Variants in CTNNBL1 observed in about 807,000 individuals in gnomAD.
CTNNBL1 encodes catenin beta like 1, also known as beta-catenin-like protein 1.
Under a neutral mutation model 72.7 loss-of-function variants are expected in CTNNBL1, and 31 were observed. That is an observed-to-expected ratio of 0.43 (90% confidence interval 0.32 to 0.58). CTNNBL1 has a LOEUF of 0.58. Among genes scored for constraint, CTNNBL1 ranks in the 20% least tolerant of loss-of-function variants. The probability of loss-of-function intolerance (pLI) is 0.08; values close to 1 mark genes in which losing one functional copy is unlikely to be tolerated. For missense variants in CTNNBL1, 534 were observed against 725.1 expected, an observed-to-expected ratio of 0.74 and a Z score of 3.03; for synonymous variants, 240 against 267.3, an observed-to-expected ratio of 0.90 and a Z score of 1.00.
chr20:37,777,605 C>A (rs1262240044), intron 8 of CTNNBL1, 49 bp from the exon 9 acceptor site: 3 of 1,570,822 alleles, frequency 1.9e-6, no homozygotes, highest in Non-Finnish European at 2.6e-6. Context: ...GCTGTAAAAT[C>A]TGACAGTTAG....
At chr20:37,856,757 T>TA (rs2072445751) in intron 13 of CTNNBL1, among the ~76,000 whole-genome samples, 1 of 152,208 alleles carries the variant, frequency 6.6e-6, no homozygotes. Flanking sequence ...ACCTATCACT[T>TA]ACAATTTTTT....
intron 13 of CTNNBL1, among the ~76,000 whole-genome samples, chr20:37,850,276 G>C (rs60846417): frequency 0.01 from 1,593 of 152,208 alleles, 22 homozygotes; most frequent in African/African-American, 0.037. Context: ...ACTTGTGATG[G>C]CAGCATCATG....
At chr20:37,815,979 AT>A in intron 11 of CTNNBL1, among the ~76,000 whole-genome samples, 1 of 152,188 alleles carries the variant, frequency 6.6e-6, no homozygotes, top group African/African-American at 2.4e-5. Context: ...TGCTGGGGAA[AT>A]GCTCTGTGTA....
At chr20:37,797,807 T>C (rs1226193325) in intron 10 of CTNNBL1, among the ~76,000 whole-genome samples, 1 of 152,206 alleles carries the variant, frequency 6.6e-6, no homozygotes, top group Non-Finnish European at 1.5e-5. Flanking sequence ...CTGCTGCCCC[T>C]CTTCTTACTC....
intron 15 of CTNNBL1, among the ~76,000 whole-genome samples, chr20:37,869,375 C>G (rs2072563939): frequency 6.6e-6 from 1 of 152,218 alleles, no homozygotes. Context: ...GCAAAAGCCT[C>G]TTACTAGAGA....
intron 1 of CTNNBL1, among the ~76,000 whole-genome samples, chr20:37,711,147 G>A (rs2072934618): frequency 6.6e-6 from 1 of 152,134 alleles, no homozygotes; most frequent in African/African-American, 2.4e-5. Context: ...CCTGTGAAAG[G>A]ACAGTTTGAG....
chr20:37,854,880 C>T (rs950621543), intron 13 of CTNNBL1, among the ~76,000 whole-genome samples: 1 of 151,958 alleles, frequency 6.6e-6, no homozygotes, highest in African/African-American at 2.4e-5. Flanking sequence ...TGAGCCACAG[C>T]GCCTGGCCCC....
At chr20:37,762,841 T>A (rs1206860378) in intron 5 of CTNNBL1, among the ~76,000 whole-genome samples, 1 of 152,204 alleles carries the variant, frequency 6.6e-6, no homozygotes, top group Non-Finnish European at 1.5e-5. Context: ...AGTTTCACAG[T>A]TTGCAAGCTT....
At chr20:37,865,312 G>A (rs2072527839) in intron 15 of CTNNBL1, among the ~76,000 whole-genome samples, 1 of 152,162 alleles carries the variant, frequency 6.6e-6, no homozygotes, top group Non-Finnish European at 1.5e-5. Flanking sequence ...GAATGAAGAC[G>A]GCACAGTTAA....
chr20:37,813,428 A>G (rs2072029278), intron 11 of CTNNBL1, among the ~76,000 whole-genome samples: 1 of 152,204 alleles, frequency 6.6e-6, no homozygotes, highest in Non-Finnish European at 1.5e-5. Flanking sequence ...GACTCTTCCA[A>G]AGTTTTACAG....
In CTNNBL1 at chr20:37,782,251, G is replaced by A. The variant is rs552707464; in HGVS notation, c.1031+2916G>A. Among the ~76,000 whole-genome samples the A allele has an allele frequency of 3.9e-5, 6 of 152,154 alleles. No homozygotes were observed. The South Asian group carries it at 1.2e-3, about 32-fold the overall frequency. ...CTATAATATAATTTAATATGATGACGCTTCAGGAGAACAGTTACTTTTGCA... is the reference window on the plus strand; with the variant it reads ...CTATAATATAATTTAATATGATGACACTTCAGGAGAACAGTTACTTTTGCA... On this transcript the variant is annotated intron_variant, in intron 10 of 15. Transcript: ENST00000361383.
In CTNNBL1 at chr20:37,753,872, A is replaced by T. The variant is rs572092893; in HGVS notation, c.467-3687A>T. On this transcript the variant is annotated intron_variant, in intron 4 of 15. Transcript: ENST00000361383. ...CTTGCACAAGATTACATGGCTGGTGATAATTTTGGGACCATTCAGGTCACT... is the reference window on the plus strand; with the variant it reads ...CTTGCACAAGATTACATGGCTGGTGTTAATTTTGGGACCATTCAGGTCACT... 2.5e-4 allele frequency among the ~76,000 whole-genome samples: 38 copies of T among 152,338 alleles called. No individual in the cohort carries two copies. The Middle Eastern group carries it at 0.01, about 41-fold the overall frequency.
intron 1 of CTNNBL1, among the ~76,000 whole-genome samples, chr20:37,698,790 A>G (rs1018279955): frequency 6.6e-6 from 1 of 152,214 alleles, no homozygotes; most frequent in African/African-American, 2.4e-5. Context: ...TCACCCCTGT[A>G]ATCCCAGCAC....
Position 37,766,803 on chromosome 20 carries a change from AACC to A in CTNNBL1, c.659-1148_659-1146del, listed in dbSNP as rs372313793. 3.5e-3 allele frequency among the ~76,000 whole-genome samples: 530 copies of A among 152,342 alleles called. 5 individuals carry two copies. The highest frequency in any genetic ancestry group is 0.012 in the African/African-American group (491 of 41,582). On this transcript the variant is annotated intron_variant, in intron 6 of 15. Transcript: ENST00000361383. ...TGTCCAGATAATGGAAGACCTTGTA[AACC>A]ATGGCAGGAAGCTTGGATTTTGTTC... is the stretch of plus-strand genomic sequence containing the variant.
intron 1 of CTNNBL1, among the ~76,000 whole-genome samples, chr20:37,712,655 A>C (rs2072948888): frequency 6.6e-6 from 1 of 152,246 alleles, no homozygotes; most frequent in Non-Finnish European, 1.5e-5. Flanking sequence ...CTTAAAAAGA[A>C]CTGTTCCTAA....
intron 5 of CTNNBL1, among the ~76,000 whole-genome samples, chr20:37,759,617 T>A (rs1263645044): frequency 6.6e-6 from 1 of 152,116 alleles, no homozygotes; most frequent in Non-Finnish European, 1.5e-5. Flanking sequence ...TTTGTTTAGT[T>A]TAGTTTTTAT....
At chr20:37,712,834 A>G (rs768890954) in intron 1 of CTNNBL1, among the ~76,000 whole-genome samples, 4 of 152,248 alleles carry the variant, frequency 2.6e-5, no homozygotes, top group Non-Finnish European at 5.9e-5. Context: ...GCATATCTGC[A>G]GAGGAACAGA....
chr20:37,859,564 T>C (rs1600534308), intron 13 of CTNNBL1, among the ~76,000 whole-genome samples: 1 of 150,614 alleles, frequency 6.6e-6, no homozygotes, highest in Admixed American at 6.6e-5. Context: ...GAAAAATGAG[T>C]GGAAGCAGAT....
chr20:37,695,091 A>G (rs2072779356), intron 1 of CTNNBL1: 1 of 152,244 alleles, frequency 6.6e-6, no homozygotes, highest in Non-Finnish European at 1.5e-5. Context: ...AAATTTTTAT[A>G]TTGATTACAT....
Sources: gnomAD v4.1 joint callset for allele counts (sites outside exome capture counted in the v4.1 genomes callset) on GRCh38, gnomAD v4.1.1 for gene constraint, MANE v1.5 for transcripts, NCBI Gene and HGNC (gene_info 2026-07-23, HGNC 2026-07-21) for gene names.